USH2A: variants seen among roughly 807,000 people sequenced by gnomAD.
USH2A encodes Usher syndrome 2A (autosomal recessive, mild).
USH2A carries 443 observed loss-of-function variants against 538.9 expected under a neutral mutation model. That is an observed-to-expected ratio of 0.82 (90% CI 0.76 to 0.89). The LOEUF (loss-of-function observed/expected upper bound fraction) is 0.89. USH2A is among the 40% of genes least tolerant of loss of function. The probability of loss-of-function intolerance (pLI) is 0.00; values close to 1 mark genes in which losing one functional copy is unlikely to be tolerated. For synonymous variants in USH2A, 2,413 were observed against 2,273.5 expected (o/e 1.06, Z -1.75); for missense variants, 6,633 against 6,324.8 (o/e 1.05, Z -1.65).
Position 216,421,746 on chromosome 1 carries a change from G to C in USH2A, c.485+106C>G. 6.4e-6 allele frequency: 10 copies of C among 1,562,968 alleles called. No homozygotes were observed. In the South Asian group the frequency reaches 1.1e-4, roughly 18 times the overall value. ...TGGAAGAGTTAGTCTTCAATACCAT[G>C]AATTCTATATAGCCTTCACTTCCGG... On this transcript the variant is annotated intron_variant, in intron 2 of 71. Transcript: ENST00000307340.
chr1:215,994,251 A>C (rs1013189860), intron 34 of USH2A, among the ~76,000 whole-genome samples: 1 of 152,224 alleles, frequency 6.6e-6, no homozygotes, highest in African/African-American at 2.4e-5. Flanking sequence ...TATTACTAAG[A>C]TAAAAAATTA....
At chr1:216,190,157 T>C (rs952670063) in intron 20 of USH2A, 66 bp downstream of exon 20, 16 of 1,598,442 alleles carry the variant, frequency 1.0e-5, no homozygotes, top group African/African-American at 6.7e-5. Context: ...AGAGAAGGTG[T>C]TGAATATTAT....
chr1:215,690,070 T>C (rs1383561206), intron 61 of USH2A, among the ~76,000 whole-genome samples: 1 of 152,224 alleles, frequency 6.6e-6, no homozygotes, highest in Non-Finnish European at 1.5e-5. Flanking sequence ...CGAAGTTGGT[T>C]GAAGTTAGAT....
intron 15 of USH2A, among the ~76,000 whole-genome samples, chr1:216,210,843 T>G (rs2102486644): frequency 6.6e-6 from 1 of 152,216 alleles, no homozygotes; most frequent in African/African-American, 2.4e-5. Flanking sequence ...TAGCTGGGCA[T>G]GGTGGCACAC....
At chr1:216,317,384 G>T (rs1019475857) in intron 9 of USH2A, among the ~76,000 whole-genome samples, 1 of 152,072 alleles carries the variant, frequency 6.6e-6, no homozygotes, top group African/African-American at 2.4e-5. Context: ...ACACATTGGG[G>T]CCTCTTAGGG....
At chr1:216,099,632 G>A (rs993971993) in intron 21 of USH2A, among the ~76,000 whole-genome samples, 7 of 152,110 alleles carry the variant, frequency 4.6e-5, no homozygotes, top group Non-Finnish European at 7.4e-5. Flanking sequence ...GGACAGACAA[G>A]TAACTGAATT....
chr1:216,057,968 C>CT (rs2031036810), intron 30 of USH2A, among the ~76,000 whole-genome samples: 1 of 152,162 alleles, frequency 6.6e-6, no homozygotes, highest in Non-Finnish European at 1.5e-5. Context: ...AGCCATGTGA[C>CT]TAAGTTCTGG....
intron 41 of USH2A, among the ~76,000 whole-genome samples, chr1:215,885,389 T>C (rs1299049014): frequency 6.6e-6 from 1 of 152,188 alleles, no homozygotes; most frequent in Non-Finnish European, 1.5e-5. Flanking sequence ...TAATCTTTTA[T>C]TTAGAAATTT....
chr1:216,147,466 A>C (rs1054322364), intron 21 of USH2A, among the ~76,000 whole-genome samples: 22 of 152,112 alleles, frequency 1.4e-4, no homozygotes, highest in Non-Finnish European at 2.8e-4. Flanking sequence ...GCTGTTTTTC[A>C]TCAAATATAA....
intron 36 of USH2A, 24 bp downstream of exon 36, chr1:215,970,601 T>C (rs1196819150): frequency 6.2e-7 from 1 of 1,613,226 alleles, no homozygotes; most frequent in South Asian, 1.1e-5. Context: ...AACACATTCC[T>C]AGAATGTAAA....
At chr1:215,999,315 G>C (rs576654058) in intron 33 of USH2A, among the ~76,000 whole-genome samples, 26 of 152,234 alleles carry the variant, frequency 1.7e-4, no homozygotes, top group African/African-American at 6.0e-4. Context: ...ATGTATAAGC[G>C]AGTATTTATT....
intron 47 of USH2A, among the ~76,000 whole-genome samples, chr1:215,825,668 G>A (rs112221501): frequency 0.026 from 3,913 of 151,944 alleles, 162 homozygotes; most frequent in African/African-American, 0.089. Context: ...TTTTCTAATC[G>A]ATTTGGTCAT....
At chr1:216,347,770 C>T (rs1004190581) in intron 4 of USH2A, among the ~76,000 whole-genome samples, 1 of 152,048 alleles carries the variant, frequency 6.6e-6, no homozygotes, top group African/African-American at 2.4e-5. Flanking sequence ...TTTTTGTCAT[C>T]CATAGAAAAT....
intron 4 of USH2A, among the ~76,000 whole-genome samples, chr1:216,338,409 T>A: frequency 6.6e-6 from 1 of 151,414 alleles, no homozygotes; most frequent in Non-Finnish European, 1.5e-5. Flanking sequence ...AATGTGCCAA[T>A]AAAGATAAGT....
intron 3 of USH2A, among the ~76,000 whole-genome samples, chr1:216,385,135 A>G (rs2038985534): frequency 6.6e-6 from 1 of 152,196 alleles, no homozygotes; most frequent in South Asian, 2.1e-4. Context: ...CAACAACTTA[A>G]CATGAGCTTT....
chr1:216,330,712 T>C (rs1380839283), intron 4 of USH2A, among the ~76,000 whole-genome samples: 3 of 151,910 alleles, frequency 2.0e-5, no homozygotes, highest in Admixed American at 6.6e-5. Context: ...TGGGAAGCCA[T>C]TGGAGGGTTT....
At chr1:216,253,141 GTTA>G (rs2036195770) in intron 11 of USH2A, among the ~76,000 whole-genome samples, 1 of 149,170 alleles carries the variant, frequency 6.7e-6, no homozygotes, top group Admixed American at 6.7e-5. Flanking sequence ...TATATGTTTT[GTTA>G]TTTTTTCTTT....
At position 216,383,301 on chromosome 1, in the gene USH2A, A is replaced by G. The variant is rs79446887; in HGVS notation, c.652-18216T>C. The stretch of plus-strand genomic sequence containing the variant: ...AACTACGCAAAGATTCAGAAGGTAC[A>G]TCACTGGCCATGTTCCTTTTCAGAA... On this transcript the variant is annotated intron_variant, in intron 3 of 71. Coordinates refer to ENST00000307340, the MANE Select transcript of USH2A (RefSeq NM_206933.4). Among the ~76,000 whole-genome samples, 803 of 152,330 alleles carry G rather than the reference A, an allele frequency of 5.3e-3. 10 individuals carry two copies. The highest frequency in any genetic ancestry group is 0.019 in the African/African-American group (777 of 41,570).
intron 61 of USH2A, among the ~76,000 whole-genome samples, chr1:215,709,046 C>T (rs1659262591): frequency 6.6e-6 from 1 of 152,182 alleles, no homozygotes; most frequent in African/African-American, 2.4e-5. Flanking sequence ...GATTCTCCTT[C>T]CTTCAAGCTC....
Sources: allele counts gnomAD v4.1 joint callset (sites outside exome capture counted in the v4.1 genomes callset), GRCh38; gene constraint gnomAD v4.1.1; transcripts MANE v1.5; gene names NCBI Gene and HGNC (gene_info 2026-07-23, HGNC 2026-07-21).